The following NAA60 variants were observed in gnomAD, a reference collection of about 807,000 sequenced individuals.
NAA60 encodes N-alpha-acetyltransferase 60.
In NAA60, 8 loss-of-function variants were observed where a neutral mutation model predicts 26.1. That is an observed-to-expected ratio of 0.31 (90% CI 0.18 to 0.55). NAA60 has a LOEUF of 0.55. NAA60 is among the 20% of genes least tolerant of loss of function. The probability of loss-of-function intolerance (pLI) is 0.93; values close to 1 mark genes in which losing one functional copy is unlikely to be tolerated. For synonymous variants in NAA60, 131 were observed against 122.5 expected (o/e 1.07, Z -0.46); for missense variants, 290 against 311.3 (o/e 0.93, Z 0.51).
intron 5 of NAA60, 26 bp from the exon 6 acceptor site, chr16:3,483,337 C>A: frequency 1.3e-6 from 2 of 1,535,278 alleles, no homozygotes; most frequent in Non-Finnish European, 1.8e-6. Flanking sequence ...GCTCTGCCTG[C>A]ATTACCTTTA....
Position 3,443,755 on chromosome 16 carries a change from C to A in NAA60, c.-159C>A. The A allele has an allele frequency of 6.5e-7, 1 of 1,532,690 alleles. No homozygotes were observed. The highest frequency in any genetic ancestry group is 8.7e-7 in the Non-Finnish European group (1 of 1,145,186). The allele number at this position is 1,532,690 out of a possible 1,614,324, so 94.9% of individuals were successfully genotyped here. A position where few individuals can be genotyped will look rare whatever the true frequency, so the allele number is the denominator to read the frequency against. On this transcript the variant is annotated 5_prime_UTR_variant, in exon 1 of 8. Transcript: ENST00000407558. The stretch of plus-strand genomic sequence containing the variant: ...CTGAAGTAGAGTCTTAGGGTGACCC[C>A]AGGGGGACGTAATGTTTCCGAGAAG...
intron 2 of NAA60, among the ~76,000 whole-genome samples, chr16:3,473,369 A>G (rs1319777116): frequency 7.2e-5 from 11 of 152,198 alleles, no homozygotes; most frequent in Admixed American, 7.2e-4. Flanking sequence ...CACGTCTTAC[A>G]TGGTGGCAGG....
intron 2 of NAA60, among the ~76,000 whole-genome samples, chr16:3,465,278 AAAAAAG>A (rs2035675002): frequency 2.1e-5 from 3 of 146,248 alleles, no homozygotes; most frequent in African/African-American, 7.4e-5. Context: ...AAAAAAAAAA[AAAAAAG>A]AAAAGAAAAA....
intron 2 of NAA60, 103 bp downstream of exon 2, chr16:3,448,643 C>T: frequency 1.0e-6 from 1 of 966,308 alleles, no homozygotes. Context: ...ATTAAATATT[C>T]TCTTAATTTT....
At chr16:3,476,964 C>A (rs968131183) in intron 3 of NAA60, among the ~76,000 whole-genome samples, 3 of 152,020 alleles carry the variant, frequency 2.0e-5, no homozygotes, top group Non-Finnish European at 4.4e-5. Flanking sequence ...TCACTTGAAC[C>A]CAGGCGGTGG....
In NAA60 at chr16:3,457,890, G is replaced by C. The variant is rs1299931222; in HGVS notation, c.-7+9350G>C. On this transcript the variant is annotated intron_variant, in intron 2 of 7. Transcript: ENST00000407558. The stretch of plus-strand genomic sequence containing the variant: ...GCCCCGCATACGGGATCCTGGGCCT[G>C]GCTTCGCACGGAGCCTGCCCGCTCC... The C allele has an allele frequency of 5.0e-6, 4 of 805,494 alleles. No homozygotes were observed. The African/African-American group carries it at 5.5e-5, about 11-fold the overall frequency. 49.9% of individuals were successfully genotyped at this position (805,494 alleles called of 1,614,324 possible).
At chr16:3,455,907 A>T (rs2034971191) in intron 2 of NAA60, among the ~76,000 whole-genome samples, 1 of 149,474 alleles carries the variant, frequency 6.7e-6, no homozygotes, top group South Asian at 2.1e-4. Flanking sequence ...GGGTTTCACC[A>T]TGTTGGCCAG....
intron 2 of NAA60, chr16:3,457,857 T>C (rs1287246456): frequency 2.6e-5 from 14 of 548,556 alleles, no homozygotes; most frequent in Non-Finnish European, 3.0e-5. Flanking sequence ...GAGCCGGCCC[T>C]CACCAGTGCC....
chr16:3,449,553 C>T lies in NAA60; in HGVS notation c.-7+1013C>T, dbSNP rs888664008. Among the ~76,000 whole-genome samples the T allele has an allele frequency of 5.9e-5, 9 of 151,960 alleles. No homozygotes were observed. In the East Asian group the frequency reaches 1.5e-3, roughly 26 times the overall value. On this transcript the variant is annotated intron_variant, in intron 2 of 7. Transcript: ENST00000407558. ...AGAAAAATTTAGCCAGGCATGGTGG[C>T]GCCCAACTGTAGTCCCAGCTACTCG...
chr16:3,483,286 C>G (rs1167204876), intron 5 of NAA60, 77 bp from the exon 6 acceptor site: 1 of 1,083,444 alleles, frequency 9.2e-7, no homozygotes, highest in African/African-American at 1.6e-5. Context: ...GAGACTCATG[C>G]AAAGCCCCCA....
intron 6 of NAA60, 81 bp downstream of exon 6, chr16:3,483,678 GT>G (rs1292452173): frequency 1.8e-6 from 2 of 1,086,422 alleles, no homozygotes; most frequent in Admixed American, 4.3e-5. Context: ...TGGAGCTGTG[GT>G]CCCCCTCAGA....
chr16:3,453,693 C>G (rs960282503), intron 2 of NAA60, among the ~76,000 whole-genome samples: 2 of 152,140 alleles, frequency 1.3e-5, no homozygotes, highest in African/African-American at 4.8e-5. Flanking sequence ...CAGGTGTGAG[C>G]CACTGCACCC....
intron 2 of NAA60, among the ~76,000 whole-genome samples, chr16:3,465,350 T>C (rs921329589): frequency 1.3e-5 from 2 of 151,358 alleles, no homozygotes; most frequent in Non-Finnish European, 3.0e-5. Context: ...TGGCAGCACA[T>C]CTTCTGGTCC....
chr16:3,467,684 G>A (rs1030597805), intron 2 of NAA60: 5 of 152,232 alleles, frequency 3.3e-5, no homozygotes, highest in African/African-American at 1.2e-4. Flanking sequence ...CAGATTCTGA[G>A]TTTTCAGCAC....
At chr16:3,445,819 A>G (rs1291571140) in intron 1 of NAA60, among the ~76,000 whole-genome samples, 3 of 152,218 alleles carry the variant, frequency 2.0e-5, no homozygotes, top group Non-Finnish European at 4.4e-5. Context: ...AATCTTCCCT[A>G]GACTATCTTT....
chr16:3,458,350 C>A (rs1000188309), intron 2 of NAA60, among the ~76,000 whole-genome samples: 1 of 151,492 alleles, frequency 6.6e-6, no homozygotes, highest in African/African-American at 2.4e-5. Context: ...ACGGTCCTCC[C>A]GGGAGCCGGT....
intron 3 of NAA60, among the ~76,000 whole-genome samples, chr16:3,479,153 T>G (rs2036670826): frequency 6.6e-6 from 1 of 151,928 alleles, no homozygotes; most frequent in African/African-American, 2.4e-5. Flanking sequence ...AGCAGGAGAA[T>G]CGATTGAACC....
rs2036663770 is a variant in NAA60, at chr16:3,479,054, G to T, written c.111-417G>T. On this transcript the variant is annotated intron_variant, in intron 3 of 7. Transcript: ENST00000407558. ...AGTTTGAGACCAGCCTGACCAACAT[G>T]GAGAAACCCCATCTCTACTTAAAAA... Among the ~76,000 whole-genome samples the T allele has an allele frequency of 1.3e-5, 2 of 152,132 alleles. 1 individual carries two copies. Among genetic ancestry groups the T allele is most frequent in the South Asian group, 4.1e-4 (2 of 4,822 alleles).
intron 2 of NAA60, among the ~76,000 whole-genome samples, chr16:3,465,595 G>C (rs370400434): frequency 2.0e-5 from 3 of 152,154 alleles, no homozygotes; most frequent in Admixed American, 6.5e-5. Flanking sequence ...TTCCTCTCTG[G>C]GGGGACCCTG....
Sources: gnomAD v4.1 joint callset for allele counts (sites outside exome capture counted in the v4.1 genomes callset) on GRCh38, gnomAD v4.1.1 for gene constraint, MANE v1.5 for transcripts, NCBI Gene and HGNC (gene_info 2026-07-23, HGNC 2026-07-21) for gene names.